CAMKK1: variants seen among roughly 807,000 people sequenced by gnomAD.
CAMKK1 encodes the protein calcium/calmodulin dependent protein kinase kinase 1.
Under a neutral mutation model 63.5 loss-of-function variants are expected in CAMKK1, and 20 were observed. The ratio of observed to expected loss-of-function variants is 0.32; its 90% confidence interval spans 0.22 to 0.46. The LOEUF (loss-of-function observed/expected upper bound fraction) is 0.46. Ranked by LOEUF, CAMKK1 falls within the 20% of genes least tolerant of loss-of-function variation. The pLI is 1.00. For missense variants in CAMKK1, 588 were observed against 658.1 expected, an observed-to-expected ratio of 0.89 and a Z score of 1.17; for synonymous variants, 253 against 269.0, an observed-to-expected ratio of 0.94 and a Z score of 0.58.
In CAMKK1 at chr17:3,862,081, T is replaced by G; in HGVS notation, c.*130A>C. On this transcript the variant is annotated 3_prime_UTR_variant, in exon 16 of 16. Coordinates refer to ENST00000348335, the MANE Select transcript of CAMKK1 (RefSeq NM_032294.3). The surrounding 1 kb of genome is among the most constrained non-coding windows in gnomAD (Gnocchi z 4.1). Reference sequence around the variant, plus strand: ...CGTGCGTGGAGGTCATGCAGCACGATGGGGGAGGGGCGGGAGTGGGGCTGC... The same window carrying G: ...CGTGCGTGGAGGTCATGCAGCACGAGGGGGGAGGGGCGGGAGTGGGGCTGC... 2.9e-6 allele frequency: 2 copies of G among 684,608 alleles called. No homozygotes were observed. Among genetic ancestry groups the G allele is most frequent in the Non-Finnish European group, 5.1e-6 (2 of 395,448 alleles). The allele number at this position is 684,608 out of a possible 1,614,324, so 42.4% of individuals were successfully genotyped here.
chr17:3,873,261 T>C (rs34231122), intron 11 of CAMKK1, 148 bp downstream of exon 11: 326,633 of 725,946 alleles, frequency 0.45, 76,302 homozygotes, highest in African/African-American at 0.65. Context: ...CAGAGAAAGA[T>C]AGAAAAAGCC....
At position 3,889,487 on chromosome 17, in the gene CAMKK1, G is replaced by A. The variant is rs1438725166; in HGVS notation, c.-44+3452C>T. Among the ~76,000 whole-genome samples the A allele has an allele frequency of 1.3e-5, 2 of 151,928 alleles. No individual in the cohort carries two copies. Among genetic ancestry groups the A allele is most frequent in the African/African-American group, 2.4e-5 (1 of 41,344 alleles). On this transcript the variant is annotated intron_variant, in intron 1 of 15. Coordinates refer to ENST00000348335, the MANE Select transcript of CAMKK1 (RefSeq NM_032294.3). The surrounding 1 kb of genome is among the most constrained non-coding windows in gnomAD (Gnocchi z 5.2). ...GATCTGCTGCCTCGGACAAGTCATC[G>A]AGCCTCTTGGAGCCTCTGTTTCCTA...
chr17:3,886,505 A>C (rs1290161529), intron 1 of CAMKK1, among the ~76,000 whole-genome samples: 1 of 152,130 alleles, frequency 6.6e-6, no homozygotes, highest in Non-Finnish European at 1.5e-5. Flanking sequence ...GGTGGCGTGC[A>C]CCTGAAATCC....
rs1010788988 is a variant in CAMKK1 at position 3,884,480 on chromosome 17, T to A, written c.361-53A>T. On this transcript the variant is annotated intron_variant, in intron 2 of 15. Coordinates refer to ENST00000348335, the MANE Select transcript of CAMKK1 (RefSeq NM_032294.3). This position sits in a 1 kb window ranked among gnomAD's most constrained non-coding sequence, Gnocchi z 4.5. Reference sequence around the variant, plus strand: ...GAGCTGGGTCCGGAGGCAGCACTGCTCCTACCTCAGAGCCCGTTCAGGGTC... The same window carrying A: ...GAGCTGGGTCCGGAGGCAGCACTGCACCTACCTCAGAGCCCGTTCAGGGTC... The A allele has an allele frequency of 3.2e-6, 5 of 1,568,972 alleles. No individual in the cohort carries two copies. Among genetic ancestry groups the A allele is most frequent in the Admixed American group, 3.4e-5 (2 of 58,988 alleles).
intron 12 of CAMKK1, among the ~76,000 whole-genome samples, chr17:3,870,865 C>T (rs1387564224): frequency 6.6e-6 from 1 of 152,076 alleles, no homozygotes; most frequent in Non-Finnish European, 1.5e-5. Context: ...AGGGGTACAA[C>T]TGTGGAGGCA....
Position 3,892,585 on chromosome 17 carries a change from C to T in CAMKK1, c.-44+354G>A, listed in dbSNP as rs2055942607. ...CCGCGGAGAACCGCACGTGGGTGCC[C>T]CGGGCCGGGCCCACTCCGCACAGAC... On this transcript the variant is annotated intron_variant, in intron 1 of 15. Coordinates refer to ENST00000348335, the MANE Select transcript of CAMKK1 (RefSeq NM_032294.3). The surrounding 1 kb of genome is among the most constrained non-coding windows in gnomAD (Gnocchi z 7.5). 6.6e-6 allele frequency among the ~76,000 whole-genome samples: 1 copy of T among 152,192 alleles called. No homozygotes were observed.
chr17:3,880,263 G>A (rs2055348547), intron 9 of CAMKK1, 83 bp downstream of exon 9: 1 of 1,181,054 alleles, frequency 8.5e-7, no homozygotes, highest in African/African-American at 1.5e-5. Flanking sequence ...GACGGGAGCT[G>A]CTCAGAGTCT....
At position 3,879,382 on chromosome 17, in the gene CAMKK1, C is replaced by G. The variant is rs1300657027; in HGVS notation, c.796+964G>C. On this transcript the variant is annotated intron_variant, in intron 9 of 15. Transcript: ENST00000348335. The surrounding 1 kb of genome is among the most constrained non-coding windows in gnomAD (Gnocchi z 4.5). ...ATCCAGCCACCACACAGCTGCCAGACAGAGCTTTCTCAGGCACAAATCCCA... is the reference window on the plus strand; with the variant it reads ...ATCCAGCCACCACACAGCTGCCAGAGAGAGCTTTCTCAGGCACAAATCCCA... The G allele has an allele frequency of 6.6e-6, 1 of 152,640 alleles. No individual in the cohort carries two copies. The highest frequency in any genetic ancestry group is 1.9e-4 in the East Asian group (1 of 5,206). 9.5% of individuals were successfully genotyped at this position (152,640 alleles called of 1,614,324 possible).
chr17:3,872,975 G>A (rs1345653371), intron 11 of CAMKK1, among the ~76,000 whole-genome samples: 1 of 152,220 alleles, frequency 6.6e-6, no homozygotes, highest in African/African-American at 2.4e-5. Flanking sequence ...CTGCCCCTTA[G>A]TGTGGTCACC....
At chr17:3,891,118 G>GT (rs1167799117) in intron 1 of CAMKK1, among the ~76,000 whole-genome samples, 5 of 151,754 alleles carry the variant, frequency 3.3e-5, no homozygotes, top group African/African-American at 7.3e-5. Context: ...TTGGGGGGGG[G>GT]GTCACAGGCT....
At chr17:3,875,432 C>A (rs2055103834) in intron 10 of CAMKK1, among the ~76,000 whole-genome samples, 1 of 152,034 alleles carries the variant, frequency 6.6e-6, no homozygotes. Flanking sequence ...CAGGTGTGCA[C>A]TACCACACCT....
At chr17:3,872,486 A>C (rs1216746291) in intron 12 of CAMKK1, 68 bp downstream of exon 12, 1 of 1,386,834 alleles carries the variant, frequency 7.2e-7, no homozygotes, top group Non-Finnish European at 1.0e-6. Flanking sequence ...AGAGGGCAAA[A>C]GCTCTGCTAA....
In CAMKK1 at chr17:3,882,754, GCCACACGACATCCAGCCTTCCTC is replaced by G. The variant is rs1289733729; in HGVS notation, c.649-213_649-191del. ...AAGTCACCGACCCCCAACCTGGCCC[GCCACACGACATCCAGCCTTCCTC>G]CCCTCCAGCTGCAATGAGGGGCTCA... is the stretch of plus-strand genomic sequence containing the variant. On this transcript the variant is annotated intron_variant, in intron 6 of 15. Coordinates refer to ENST00000348335, the MANE Select transcript of CAMKK1 (RefSeq NM_032294.3). The surrounding 1 kb of genome is among the most constrained non-coding windows in gnomAD (Gnocchi z 4.3). 6.6e-6 allele frequency among the ~76,000 whole-genome samples: 1 copy of G among 152,078 alleles called. No homozygotes were observed. Among genetic ancestry groups the G allele is most frequent in the Admixed American group, 6.5e-5 (1 of 15,280 alleles).
Position 3,862,335 on chromosome 17 carries a change from C to T in CAMKK1, c.1446-52G>A, listed in dbSNP as rs748374048. On this transcript the variant is annotated intron_variant, in intron 15 of 15. Transcript: ENST00000348335. The surrounding 1 kb of genome is among the most constrained non-coding windows in gnomAD (Gnocchi z 4.1). ...GGACCTCAGGGTCAGAATATGCACTCAGGGAGACACTCTCCCTCACACACA... is the reference window on the plus strand; with the variant it reads ...GGACCTCAGGGTCAGAATATGCACTTAGGGAGACACTCTCCCTCACACACA... 5 of 1,340,928 alleles carry T rather than the reference C, an allele frequency of 3.7e-6. No individual in the cohort carries two copies. The South Asian group carries it at 3.8e-5, about 10-fold the overall frequency. The allele number at this position is 1,340,928 out of a possible 1,614,324, so 83.1% of individuals were successfully genotyped here.
chr17:3,882,139 A>C lies in CAMKK1; in HGVS notation c.685+389T>G. 3.0e-6 allele frequency: 2 copies of C among 667,082 alleles called. No individual in the cohort carries two copies. The highest frequency in any genetic ancestry group is 3.7e-5 in the South Asian group (2 of 53,352). The allele number at this position is 667,082 out of a possible 1,614,324, so 41.3% of individuals were successfully genotyped here. A position where few individuals can be genotyped will look rare whatever the true frequency, so the allele number is the denominator to read the frequency against. On this transcript the variant is annotated intron_variant, in intron 7 of 15. Coordinates refer to ENST00000348335, the MANE Select transcript of CAMKK1 (RefSeq NM_032294.3). This position sits in a 1 kb window ranked among gnomAD's most constrained non-coding sequence, Gnocchi z 4.3. ...GTGCTTTACATATAATTACTCATTTACTCTTCACAGGAACCCTATGAGGTA... is the reference window on the plus strand; with the variant it reads ...GTGCTTTACATATAATTACTCATTTCCTCTTCACAGGAACCCTATGAGGTA...
chr17:3,872,258 G>A (rs915451085), intron 12 of CAMKK1, among the ~76,000 whole-genome samples: 3 of 152,188 alleles, frequency 2.0e-5, no homozygotes, highest in African/African-American at 7.2e-5. Flanking sequence ...GGGCTGGGTG[G>A]GGCTGGCGCC....
chr17:3,865,280 C>T (rs1372346644), intron 15 of CAMKK1: 4 of 986,560 alleles, frequency 4.1e-6, no homozygotes, highest in South Asian at 4.7e-5. Context: ...AGGCGTGGCT[C>T]ACCATAGGGA....
At chr17:3,873,388 G>A (rs1269173374) in intron 11 of CAMKK1, 21 bp downstream of exon 11, 1 of 1,613,306 alleles carries the variant, frequency 6.2e-7, no homozygotes, top group African/African-American at 1.3e-5. Context: ...CCCCAGCTCT[G>A]CTGGCATCCC....
At position 3,862,238 on chromosome 17, in the gene CAMKK1, G is replaced by C. The variant is rs1216646818; in HGVS notation, c.1491C>G (p.Gly497=). ...GEGGKSPELP[G]VQEDEAAS ...AGGATGCAGCCTCGTCTTCCTGGAC[G>C]CCGGGGAGCTCTGGGCTCTTGCCCC... is the stretch of plus-strand genomic sequence containing the variant. The change falls in exon 16 of 16, where the codon GGC becomes GGG. Residue 497 remains glycine (G), a synonymous_variant. Transcript: ENST00000348335. This position sits in a 1 kb window ranked among gnomAD's most constrained non-coding sequence, Gnocchi z 4.1. The C allele has an allele frequency of 6.3e-7, 1 of 1,590,916 alleles. No homozygotes were observed. The highest frequency in any genetic ancestry group is 8.6e-7 in the Non-Finnish European group (1 of 1,168,148).
Sources: gnomAD v4.1 joint callset for allele counts (sites outside exome capture counted in the v4.1 genomes callset) on GRCh38, gnomAD v4.1.1 for gene constraint, Gnocchi (gnomAD v3.1) non-coding constraint, MANE v1.5 for transcripts, NCBI Gene and HGNC (gene_info 2026-07-23, HGNC 2026-07-21) for gene names.